MMRN1: variants seen among roughly 807,000 people sequenced by gnomAD.
MMRN1 encodes the protein multimerin 1, also known as multimerin-1.
In MMRN1, 94 loss-of-function variants were observed where a neutral mutation model predicts 100.7. The ratio of observed to expected loss-of-function variants is 0.93; its 90% CI spans 0.79 to 1.11. The LOEUF (loss-of-function observed/expected upper bound fraction) is 1.11, where lower values mean the gene tolerates loss of function less well. Among genes scored for constraint, MMRN1 ranks in the 50% least tolerant of loss-of-function variants. The pLI, the probability that MMRN1 is intolerant of heterozygous loss-of-function variation, is 0.00. For synonymous variants in MMRN1, 575 were observed against 505.0 expected (o/e 1.14, Z -1.86); for missense variants, 1,606 against 1,439.1 (o/e 1.12, Z -1.88).
At position 89,927,883 on chromosome 4, in the gene MMRN1, T is replaced by C; in HGVS notation, c.1044T>C (p.Thr348=). 1.9e-6 allele frequency: 3 copies of C among 1,612,026 alleles called. No homozygotes were observed. The highest frequency in any genetic ancestry group is 2.5e-6 in the Non-Finnish European group (3 of 1,179,006). Residue 348 remains threonine, a synonymous_variant, in exon 5 of 8, where the codon ACT becomes ACC. Transcript: ENST00000264790. ...LQKKIDNISL[T]VNDVRNTYSS... ...AGAAGATTGACAATATTTCTTTGAC[T>C]GTGAATGATGTAAGGAACACTTACT...
At chr4:89,942,871 G>A (rs566531538) in intron 6 of MMRN1, among the ~76,000 whole-genome samples, 2 of 152,132 alleles carry the variant, frequency 1.3e-5, no homozygotes, top group African/African-American at 4.8e-5. Context: ...TTACAAAAAA[G>A]TAAACAATTG....
chr4:89,893,996 AC>A (rs1721113468), upstream of MMRN1, among the ~76,000 whole-genome samples: 1 of 152,134 alleles, frequency 6.6e-6, no homozygotes, highest in Non-Finnish European at 1.5e-5. Context: ...GTTCTCTGCT[AC>A]CTACAACTGG....
chr4:89,883,498 G>A, intron 1 of MMRN1, among the ~76,000 whole-genome samples: 1 of 152,070 alleles, frequency 6.6e-6, no homozygotes, highest in East Asian at 1.9e-4. Flanking sequence ...CACTAAAGAT[G>A]CTGAGACATC....
rs900119076 is a variant in MMRN1 at position 89,885,121 on chromosome 4, C to G, written c.-249+5519C>G. 6.7e-4 allele frequency among the ~76,000 whole-genome samples: 93 copies of G among 139,778 alleles called. 1 individual carries two copies. Among genetic ancestry groups the G allele is most frequent in the African/African-American group, 2.2e-3 (86 of 38,782 alleles). 91.7% of individuals were successfully genotyped at this position (139,778 alleles called of 152,430 possible). ...TAGATGTATATACATACATTTCCTTCCCTCCCTCCCTCCCTTCCTCCCTTC... is the reference window on the plus strand; with the variant it reads ...TAGATGTATATACATACATTTCCTTGCCTCCCTCCCTCCCTTCCTCCCTTC... On this transcript the variant is annotated intron_variant, in intron 1 of 8. Transcript: ENST00000394980.
intron 1 of MMRN1, among the ~76,000 whole-genome samples, chr4:89,907,819 CTGTTTTTT>C (rs1044144655): frequency 1.5e-5 from 2 of 134,830 alleles, no homozygotes; most frequent in African/African-American, 6.0e-5. Context: ...TATGTCATGC[CTGTTTTTT>C]TGTTTTTTTT....
At chr4:89,909,505 G>A in intron 2 of MMRN1, 110 bp downstream of exon 2, 1 of 1,350,748 alleles carries the variant, frequency 7.4e-7, no homozygotes, top group Non-Finnish European at 1.0e-6. Context: ...AGGGTCAGGG[G>A]ATGGTAGTCA....
At chr4:89,949,805 ACATTTTATGTGAATTTC>A (rs1723104565) in intron 6 of MMRN1, among the ~76,000 whole-genome samples, 1 of 152,228 alleles carries the variant, frequency 6.6e-6, no homozygotes, top group Non-Finnish European at 1.5e-5. Flanking sequence ...CCGTTTGTTC[ACATTTTATGTGAATTTC>A]AATTGTATGG....
In MMRN1 at chr4:89,935,420, T is replaced by C. The variant is rs760233152; in HGVS notation, c.1740T>C (p.Ser580=). ...QESKINNLTV[S]LEMEKESLRG... is the part of the protein sequence containing the mutation. ...GCAAGATTAACAATCTCACCGTCTC[T>C]TTGGAGATGGAGAAAGAGTCTCTCA... Residue 580 remains serine, a synonymous_variant, in exon 6 of 8, where the codon TCT becomes TCC. Coordinates refer to ENST00000264790, the MANE Select transcript of MMRN1 (RefSeq NM_007351.3). 4 of 1,613,370 alleles carry C rather than the reference T, an allele frequency of 2.5e-6. No homozygotes were observed. In the East Asian group the frequency reaches 8.9e-5, roughly 36 times the overall value.
At position 89,951,630 on chromosome 4, in the gene MMRN1, T is replaced by C. The variant is rs1239896781; in HGVS notation, c.3144T>C (p.His1048=). 1 of 1,539,436 alleles carries C rather than the reference T, an allele frequency of 6.5e-7. No homozygotes were observed. Among genetic ancestry groups the C allele is most frequent in the Non-Finnish European group, 8.7e-7 (1 of 1,147,512 alleles). ...AGGAGTATTCAAGCTGTAGTCGGCA[T>C]CCGTGCCAAAATGGGGGCACGTGCA... ...YPEEYSSCSR[H]PCQNGGTCIN... The change falls in exon 7 of 8, where the codon CAT becomes CAC. Residue 1048 remains histidine, a synonymous_variant. Coordinates refer to ENST00000264790, the MANE Select transcript of MMRN1 (RefSeq NM_007351.3).
intron 1 of MMRN1, among the ~76,000 whole-genome samples, chr4:89,900,710 G>A (rs1485421489): frequency 6.6e-6 from 1 of 151,964 alleles, no homozygotes; most frequent in African/African-American, 2.4e-5. Flanking sequence ...GTAAAATCAT[G>A]GATTATTAGA....
chr4:89,902,774 AG>A lies in MMRN1; in HGVS notation c.624-6501del, dbSNP rs550429536. On this transcript the variant is annotated intron_variant, in intron 1 of 7. Transcript: ENST00000264790. ...AAAGTCTAAATTAACCATAAATCAA[AG>A]TATCTAAAATTCCCCATAATCTGAG... is the stretch of plus-strand genomic sequence containing the variant. 4.9e-3 allele frequency among the ~76,000 whole-genome samples: 752 copies of A among 152,146 alleles called. 4 individuals carry two copies. Among genetic ancestry groups the A allele is most frequent in the Admixed American group, 7.7e-3 (118 of 15,236 alleles).
In MMRN1 at chr4:89,927,768, G is replaced by A. The variant is rs371401960; in HGVS notation, c.956-27G>A. On this transcript the variant is annotated intron_variant, in intron 4 of 7. Transcript: ENST00000264790. ...TATGGGTCAAAATATATTTTTTAAT[G>A]GTCTCAATTTTCTCTTCTATATGCA... 7 of 1,585,594 alleles carry A rather than the reference G, an allele frequency of 4.4e-6. No individual in the cohort carries two copies. In the African/African-American group the frequency reaches 8.2e-5, roughly 19 times the overall value.
intron 1 of MMRN1, among the ~76,000 whole-genome samples, chr4:89,881,970 T>C (rs1406786978): frequency 6.6e-6 from 1 of 151,972 alleles, no homozygotes; most frequent in Non-Finnish European, 1.5e-5. Context: ...CTTAAATTTA[T>C]TACTAATGAA....
chr4:89,936,890 A>G, intron 6 of MMRN1, 92 bp downstream of exon 6: 1 of 1,162,480 alleles, frequency 8.6e-7, no homozygotes, highest in East Asian at 2.6e-5. Flanking sequence ...CATTAAACAT[A>G]AAACTACATA....
At position 89,954,159 on chromosome 4, in the gene MMRN1, T is replaced by A. The variant is rs1464033144; in HGVS notation, c.*741T>A. The A allele has an allele frequency of 1.3e-5, 2 of 152,290 alleles. No homozygotes were observed. Among genetic ancestry groups the A allele is most frequent in the East Asian group, 3.9e-4 (2 of 5,186 alleles). The allele number at this position is 152,290 out of a possible 1,614,324, so 9.4% of individuals were successfully genotyped here. A position where few individuals can be genotyped will look rare whatever the true frequency, so the allele number is the denominator to read the frequency against. On this transcript the variant is annotated 3_prime_UTR_variant, in exon 8 of 8. Coordinates refer to ENST00000264790, the MANE Select transcript of MMRN1 (RefSeq NM_007351.3). ...ATTCTTCTATGGTAGTACCTACAGA[T>A]CTGCCCTTCTTCTTCTAAAGGGTAA...
intron 6 of MMRN1, among the ~76,000 whole-genome samples, chr4:89,939,319 C>G (rs980765538): frequency 1.3e-5 from 2 of 151,986 alleles, no homozygotes; most frequent in African/African-American, 2.4e-5. Flanking sequence ...TTCTAGCTGC[C>G]ATCATTTGCA....
At chr4:89,937,521 T>A (rs1348328223) in intron 6 of MMRN1, among the ~76,000 whole-genome samples, 1 of 152,066 alleles carries the variant, frequency 6.6e-6, no homozygotes, top group Non-Finnish European at 1.5e-5. Flanking sequence ...GCAAGAAAAA[T>A]GATTTGAGGA....
At chr4:89,907,711 TAAG>T (rs1345063655) in intron 1 of MMRN1, among the ~76,000 whole-genome samples, 5 of 151,470 alleles carry the variant, frequency 3.3e-5, no homozygotes, top group African/African-American at 1.2e-4. Context: ...AAATTTCTGT[TAAG>T]AACATTCAGT....
intron 1 of MMRN1, among the ~76,000 whole-genome samples, chr4:89,902,273 A>G (rs1019270141): frequency 6.6e-6 from 1 of 151,744 alleles, no homozygotes; most frequent in Admixed American, 6.6e-5. Context: ...ACATGTATAC[A>G]TATGTAACTA....
Sources: allele counts gnomAD v4.1 joint callset (sites outside exome capture counted in the v4.1 genomes callset), GRCh38; gene constraint gnomAD v4.1.1; transcripts MANE v1.5; gene names NCBI Gene and HGNC (gene_info 2026-07-23, HGNC 2026-07-21).